CFAP74: variants seen among roughly 807,000 people sequenced by gnomAD.
CFAP74 encodes cilia and flagella associated protein 74, also known as cilia- and flagella-associated protein 74.
A neutral mutation model predicts 188.9 loss-of-function variants in CFAP74; 124 were observed. The ratio of observed to expected loss-of-function variants is 0.66; its 90% CI spans 0.57 to 0.76. CFAP74 has a LOEUF of 0.76. Among genes scored for constraint, CFAP74 ranks in the 30% least tolerant of loss-of-function variants. CFAP74 has a pLI of 0.00. For synonymous variants in CFAP74, 956 were observed against 916.7 expected (o/e 1.04, Z -0.77); for missense variants, 2,198 against 2,165.2 (o/e 1.02, Z -0.30).
chr1:1,993,921 G>T (rs929444431), intron 1 of CFAP74, among the ~76,000 whole-genome samples: 1 of 151,228 alleles, frequency 6.6e-6, no homozygotes, highest in East Asian at 1.9e-4. Flanking sequence ...GGCGGAGCTT[G>T]CAGTGAGCCG....
At position 1,972,946 on chromosome 1, in the gene CFAP74, G is replaced by C. The variant is rs767164838; in HGVS notation, c.776C>G (p.Ser259Cys). Residue 259 changes from serine (S) to cysteine (C), a missense_variant, in exon 8 of 39, where the codon TCC becomes TGC. Ser to Cys is a moderately radical substitution (Grantham distance 112). Coordinates refer to ENST00000682832, the MANE Select transcript of CFAP74 (RefSeq NM_001304360.2). ...CGAAGGGAGGCCCTACCTTCCCAGG[G>C]AGGCCTTCAGGAACCGCACGGCAAC... is the stretch of plus-strand genomic sequence containing the variant. ...HKVAVRFLKA[S>C]LGRIREQEKK... 4.3e-6 allele frequency: 7 copies of C among 1,611,550 alleles called. No individual in the cohort carries two copies. Among genetic ancestry groups the C allele is most frequent in the Non-Finnish European group, 5.9e-6 (7 of 1,177,890 alleles).
intron 15 of CFAP74, among the ~76,000 whole-genome samples, 179 bp downstream of exon 15, chr1:1,959,785 C>T (rs953001966): frequency 6.6e-6 from 1 of 152,242 alleles, no homozygotes; most frequent in Non-Finnish European, 1.5e-5. Flanking sequence ...TTCTGCCCAG[C>T]ATTCAGGAAT....
In CFAP74 at chr1:1,926,282, A is replaced by G; in HGVS notation, c.3894T>C (p.Arg1298=). 1 of 1,543,380 alleles carries G rather than the reference A, an allele frequency of 6.5e-7. No homozygotes were observed. Among genetic ancestry groups the G allele is most frequent in the Non-Finnish European group, 8.7e-7 (1 of 1,142,866 alleles). Residue 1298 remains arginine (R), a synonymous_variant, in exon 32 of 39, where the codon CGT becomes CGC. Coordinates refer to ENST00000682832, the MANE Select transcript of CFAP74 (RefSeq NM_001304360.2). The part of the protein sequence containing the change: ...FVLLNHSSLL[R]AGGTQVLVLS... ...GCACCAGGACCTGGGTCCCACCTGC[A>G]CGCAGCAGGCTGGAGTGGTTCAGCA...
At position 1,922,694 on chromosome 1, in the gene CFAP74, T is replaced by C. The variant is rs148954072; in HGVS notation, c.4713A>G (p.Ala1571=). ...KTVEFSIDSV[A]SLQHKGFSIE... Reference sequence around the variant, plus strand: ...TAGAGAAACCCTTGTGCTGCAGGGATGCGACGCTGTCTATGCTGAACTCAA... The same window carrying C: ...TAGAGAAACCCTTGTGCTGCAGGGACGCGACGCTGTCTATGCTGAACTCAA... The change falls in exon 38 of 39, where the codon GCA becomes GCG. Residue 1571 remains alanine (A), a synonymous_variant. Transcript: ENST00000682832. 1.8e-4 allele frequency: 290 copies of C among 1,599,884 alleles called. No individual in the cohort carries two copies. In the African/African-American group the frequency reaches 3.4e-3, roughly 19 times the overall value.
Position 1,946,418 on chromosome 1 carries a change from G to A in CFAP74, c.2263C>T (p.Pro755Ser), listed in dbSNP as rs1157024414. ...LGEVTEGEIGPFSSIKVPIVF... is the reference protein window; with the variant it reads ...LGEVTEGEIGSFSSIKVPIVF... The stretch of plus-strand genomic sequence containing the variant: ...ATGGGCACCTTGATGGAGCTGAAGG[G>A]GCCAATTTCCCCTTCTGTTACCTGC... The change falls in exon 20 of 39, where the codon CCC becomes TCC. Residue 755 changes from proline to serine, a missense_variant. By Grantham distance (74) the Pro-to-Ser change is moderately conservative. Transcript: ENST00000682832. 1 of 1,536,474 alleles carries A rather than the reference G, an allele frequency of 6.5e-7. No homozygotes were observed. The highest frequency in any genetic ancestry group is 8.7e-7 in the Non-Finnish European group (1 of 1,146,494).
At chr1:1,954,774 G>C in intron 18 of CFAP74, 2 of 1,095,514 alleles carry the variant, frequency 1.8e-6, no homozygotes, top group Non-Finnish European at 2.2e-6. Flanking sequence ...CAGAGACCCT[G>C]TCTCAACATA....
chr1:1,937,709 A>G (rs1045309802), intron 25 of CFAP74, among the ~76,000 whole-genome samples: 1 of 152,152 alleles, frequency 6.6e-6, no homozygotes, highest in East Asian at 1.9e-4. Flanking sequence ...GAACCCACGC[A>G]GGACCACCAG....
At chr1:1,947,645 C>T (rs2490543) in intron 18 of CFAP74, among the ~76,000 whole-genome samples, 62,101 of 152,152 alleles carry the variant, frequency 0.41, 14,427 homozygotes, top group Admixed American at 0.53. Flanking sequence ...CGAGAGGCCA[C>T]GCGCAGGTTG....
At position 1,938,956 on chromosome 1, in the gene CFAP74, C is replaced by A. The variant is rs1372740215; in HGVS notation, c.2910G>T (p.Gly970=). ...GCAGCGTTTCCAGGGGCAGGATCGT[C>A]CCAAACCCATCGTTGGGTTGGACGT... ...FVDVQPNDGF[G]TILPLETLQF... Residue 970 remains glycine, a synonymous_variant, in exon 25 of 39, where the codon GGG becomes GGT. Coordinates refer to ENST00000682832, the MANE Select transcript of CFAP74 (RefSeq NM_001304360.2). 8 of 1,536,044 alleles carry A rather than the reference C, an allele frequency of 5.2e-6. No individual in the cohort carries two copies. Among genetic ancestry groups the A allele is most frequent in the Admixed American group, 2.0e-5 (1 of 50,984 alleles).
chr1:1,926,644 C>T lies in CFAP74; in HGVS notation c.3772+8G>A, dbSNP rs1467898739. The T allele has an allele frequency of 4.1e-5, 63 of 1,547,510 alleles. No individual in the cohort carries two copies. The East Asian group carries it at 1.1e-3, about 28-fold the overall frequency. ...GGGTGGAGGTGTGGGCGGGGCTTAG[C>T]GTCTCACCCACAGCGACGTCGCCGA... On this transcript the variant is annotated splice_region_variant and intron_variant, in intron 30 of 38. Coordinates refer to ENST00000682832, the MANE Select transcript of CFAP74 (RefSeq NM_001304360.2).
At chr1:1,927,943 C>T (rs1449887877) in intron 27 of CFAP74, 197 bp from the exon 28 acceptor site, 4 of 601,042 alleles carry the variant, frequency 6.7e-6, no homozygotes, top group Non-Finnish European at 1.2e-5. Flanking sequence ...CAGAGCTGCT[C>T]ACAGACTGTG....
chr1:1,938,844 G>A lies in CFAP74; in HGVS notation c.3011+11C>T. The A allele has an allele frequency of 6.5e-7, 1 of 1,535,742 alleles. No homozygotes were observed. The highest frequency in any genetic ancestry group is 1.4e-5 in the African/African-American group (1 of 73,178). ...CAGGCCCCCTGCGTCCCCTCTCCCT[G>A]GCAGGCTCACCGGTTGATCTCAGAC... On this transcript the variant is annotated intron_variant, in intron 25 of 38. Coordinates refer to ENST00000682832, the MANE Select transcript of CFAP74 (RefSeq NM_001304360.2).
In CFAP74 at chr1:1,968,547, G is replaced by T; in HGVS notation, c.1245+88C>A. 1 of 1,176,554 alleles carries T rather than the reference G, an allele frequency of 8.5e-7. No homozygotes were observed. Among genetic ancestry groups the T allele is most frequent in the Non-Finnish European group, 1.2e-6 (1 of 806,362 alleles). The allele number at this position is 1,176,554 out of a possible 1,614,324, so 72.9% of individuals were successfully genotyped here. A position where few individuals can be genotyped will look rare whatever the true frequency, so the allele number is the denominator to read the frequency against. ...GGTGGCCATGGTGCTGAGGTCCTCA[G>T]AGGATGTCTCACCACACCTGAGCCC... On this transcript the variant is annotated intron_variant, in intron 11 of 38. Transcript: ENST00000682832. The surrounding 1 kb of genome is among the most constrained non-coding windows in gnomAD (Gnocchi z 4.3).
At chr1:1,955,916 G>A in intron 17 of CFAP74, 66 bp from the exon 18 acceptor site, 1 of 1,539,544 alleles carries the variant, frequency 6.5e-7, no homozygotes, top group African/African-American at 1.4e-5. Flanking sequence ...TCAGCTGCCG[G>A]AACTCCCATG....
chr1:1,931,406 G>A lies in CFAP74; in HGVS notation c.3012-1070C>T, dbSNP rs528446039. Reference sequence around the variant, plus strand: ...GATCGCACCACTGCACTCTAGCCTGGGTGACAGAGCAAGACCCCATCTCAA... The same window carrying A: ...GATCGCACCACTGCACTCTAGCCTGAGTGACAGAGCAAGACCCCATCTCAA... On this transcript the variant is annotated intron_variant, in intron 25 of 38. Coordinates refer to ENST00000682832, the MANE Select transcript of CFAP74 (RefSeq NM_001304360.2). Among the ~76,000 whole-genome samples the A allele has an allele frequency of 2.1e-5, 3 of 143,614 alleles. No homozygotes were observed. The East Asian group carries it at 6.1e-4, about 29-fold the overall frequency. 94.2% of individuals were successfully genotyped at this position (143,614 alleles called of 152,430 possible).
At chr1:1,961,148 G>A (rs1385738110) in intron 14 of CFAP74, among the ~76,000 whole-genome samples, 1 of 152,168 alleles carries the variant, frequency 6.6e-6, no homozygotes, top group Non-Finnish European at 1.5e-5. Context: ...ATGCGAAAAA[G>A]AGACAAGAAA....
intron 14 of CFAP74, among the ~76,000 whole-genome samples, chr1:1,962,201 T>A (rs1005554053): frequency 1.1e-4 from 16 of 152,288 alleles, no homozygotes; most frequent in Admixed American, 6.5e-4. Context: ...GGCTGGGTGC[T>A]GTGGCTCACG....
At chr1:1,945,168 A>G (rs1653662516) in intron 20 of CFAP74, among the ~76,000 whole-genome samples, 1 of 151,964 alleles carries the variant, frequency 6.6e-6, no homozygotes, top group African/African-American at 2.4e-5. Context: ...TTAGCCAGGC[A>G]TGGTGGTGTG....
chr1:1,937,153 T>G (rs894047444), intron 25 of CFAP74, among the ~76,000 whole-genome samples: 6 of 152,192 alleles, frequency 3.9e-5, no homozygotes, highest in Non-Finnish European at 8.8e-5. Context: ...AACTGCAACA[T>G]GGCCGTGATT....
Sources: gnomAD v4.1 joint callset for allele counts (sites outside exome capture counted in the v4.1 genomes callset) on GRCh38, gnomAD v4.1.1 for gene constraint, Gnocchi (gnomAD v3.1) non-coding constraint, MANE v1.5 for transcripts, NCBI Gene and HGNC (gene_info 2026-07-23, HGNC 2026-07-21) for gene names.